HSD17B2: variants seen among roughly 807,000 people sequenced by gnomAD.
The protein encoded by HSD17B2 is hydroxysteroid 17-beta dehydrogenase 2, also known as 17-beta-hydroxysteroid dehydrogenase type 2.
In HSD17B2, 32 loss-of-function variants were observed where a neutral mutation model predicts 26.9. The ratio of observed to expected loss-of-function variants is 1.19; its 90% CI spans 0.90 to 1.60. The LOEUF (loss-of-function observed/expected upper bound fraction) is 1.60. HSD17B2 is among the 40% of genes most tolerant of loss of function. The pLI is 0.00. For synonymous variants in HSD17B2, 246 were observed against 186.7 expected, an observed-to-expected ratio of 1.32 and a Z score of -2.59; for missense variants, 613 against 468.6, an observed-to-expected ratio of 1.31 and a Z score of -2.85.
intron 1 of HSD17B2, among the ~76,000 whole-genome samples, chr16:82,037,143 G>T (rs1169273962): frequency 6.6e-6 from 1 of 152,176 alleles, no homozygotes. Context: ...GAATCAATTA[G>T]GCAACTCAAG....
chr16:82,076,911 T>C (rs547875097), intron 3 of HSD17B2, among the ~76,000 whole-genome samples: 5 of 152,226 alleles, frequency 3.3e-5, no homozygotes, highest in South Asian at 2.1e-4. Context: ...AGTAATCTCA[T>C]TTACAATAGC....
chr16:82,035,606 T>C lies in HSD17B2; in HGVS notation c.182T>C (p.Phe61Ser). The change falls in exon 1 of 5, where the codon TTC becomes TCC. Residue 61 changes from phenylalanine to serine, a missense_variant. Physicochemically the swap from Phe to Ser is radical, Grantham distance 155. Transcript: ENST00000199936. ...ILSPFWGLILFSVSCFLMYTY... is the reference protein window; with the variant it reads ...ILSPFWGLILSSVSCFLMYTY... ...TCCCCTTTTTGGGGCTTGATCCTCTTCTCGGTGTCATGCTTCCTCATGTAT... is the reference window on the plus strand; with the variant it reads ...TCCCCTTTTTGGGGCTTGATCCTCTCCTCGGTGTCATGCTTCCTCATGTAT... The C allele has an allele frequency of 6.2e-7, 1 of 1,613,964 alleles. No individual in the cohort carries two copies. Among genetic ancestry groups the C allele is most frequent in the Non-Finnish European group, 8.5e-7 (1 of 1,180,020 alleles).
intron 1 of HSD17B2, among the ~76,000 whole-genome samples, chr16:82,050,355 C>T (rs1487743421): frequency 1.3e-5 from 2 of 152,010 alleles, no homozygotes; most frequent in East Asian, 1.9e-4. Flanking sequence ...ATATACAATT[C>T]GTTCTCGGTG....
At chr16:82,093,955 C>T (rs1486974740) in intron 4 of HSD17B2, 1 of 152,128 alleles carries the variant, frequency 6.6e-6, no homozygotes, top group Non-Finnish European at 1.5e-5. Flanking sequence ...TATAAACTGT[C>T]CTGGTGCTGG....
chr16:82,090,250 A>T, intron 3 of HSD17B2: 1 of 952,858 alleles, frequency 1.0e-6, no homozygotes, highest in Non-Finnish European at 1.2e-6. Context: ...TGGTCAGGCT[A>T]GAAGATCAGG....
At chr16:82,066,583 C>T (rs188603583) in intron 1 of HSD17B2, among the ~76,000 whole-genome samples, 3 of 152,280 alleles carry the variant, frequency 2.0e-5, no homozygotes, top group Non-Finnish European at 2.9e-5. Flanking sequence ...AAGATAAGGT[C>T]CACCCTCCAT....
intron 1 of HSD17B2, 136 bp from the exon 2 acceptor site, chr16:82,068,034 T>C (rs956308316): frequency 5.4e-6 from 4 of 738,926 alleles, no homozygotes; most frequent in African/African-American, 1.8e-5. Context: ...ACTTAGAACA[T>C]AAAGAAACTT....
intron 3 of HSD17B2, among the ~76,000 whole-genome samples, chr16:82,082,646 T>C (rs998763637): frequency 6.6e-6 from 1 of 152,180 alleles, no homozygotes; most frequent in Non-Finnish European, 1.5e-5. Context: ...AAAAATGAGG[T>C]TCCTGAGGAT....
intron 4 of HSD17B2, chr16:82,096,874 T>G (rs1226112728): frequency 2.6e-5 from 4 of 152,048 alleles, no homozygotes; most frequent in Non-Finnish European, 4.4e-5. Context: ...AAACAATGAG[T>G]GCTATTCATA....
intron 3 of HSD17B2, among the ~76,000 whole-genome samples, chr16:82,084,276 A>G (rs1322491634): frequency 6.6e-6 from 1 of 152,124 alleles, no homozygotes; most frequent in East Asian, 1.9e-4. Context: ...TGTCCTGTGC[A>G]TTACGGGGTG....
intron 4 of HSD17B2, chr16:82,094,181 T>G (rs1445710036): frequency 6.6e-6 from 1 of 152,168 alleles, no homozygotes; most frequent in Admixed American, 6.5e-5. Context: ...ATGCTTAACC[T>G]CCAGGGAATG....
chr16:82,090,860 A>G, intron 3 of HSD17B2, 42 bp from the exon 4 acceptor site: 1 of 1,552,086 alleles, frequency 6.4e-7, no homozygotes, highest in Non-Finnish European at 8.7e-7. Flanking sequence ...GAACAAATGA[A>G]CATTTCTAAC....
chr16:82,069,769 A>G (rs906613346), intron 2 of HSD17B2, among the ~76,000 whole-genome samples: 1 of 152,106 alleles, frequency 6.6e-6, no homozygotes, highest in South Asian at 2.1e-4. Flanking sequence ...GGCAGACCCA[A>G]TGCAAAATGA....
chr16:82,076,311 C>T (rs566770287), intron 3 of HSD17B2, among the ~76,000 whole-genome samples: 10 of 152,276 alleles, frequency 6.6e-5, no homozygotes, highest in African/African-American at 2.2e-4. Flanking sequence ...GAAATCCTTT[C>T]CTCTAAGATC....
chr16:82,061,996 C>G (rs140127836), intron 1 of HSD17B2, among the ~76,000 whole-genome samples: 2 of 152,304 alleles, frequency 1.3e-5, no homozygotes, highest in East Asian at 1.9e-4. Context: ...CCCAAACACG[C>G]GTTATTCACA....
chr16:82,071,365 G>A, intron 3 of HSD17B2: 1 of 565,170 alleles, frequency 1.8e-6, no homozygotes, highest in Non-Finnish European at 3.2e-6. Context: ...GGGATTTAGG[G>A]TTCTTATATG....
intron 3 of HSD17B2, among the ~76,000 whole-genome samples, chr16:82,075,803 A>G (rs963933538): frequency 4.0e-5 from 6 of 151,892 alleles, no homozygotes; most frequent in African/African-American, 1.5e-4. Context: ...AAGAACTAAT[A>G]CCGATTGTAC....
chr16:82,038,262 T>C (rs1023734549), intron 1 of HSD17B2, among the ~76,000 whole-genome samples: 1 of 152,260 alleles, frequency 6.6e-6, no homozygotes, highest in African/African-American at 2.4e-5. Flanking sequence ...CATAGAGTGT[T>C]TGAATACATA....
intron 1 of HSD17B2, among the ~76,000 whole-genome samples, chr16:82,041,500 T>G (rs1158848015): frequency 6.6e-6 from 1 of 152,246 alleles, no homozygotes; most frequent in African/African-American, 2.4e-5. Flanking sequence ...GATTTGGTTC[T>G]AAGCGTGCTC....
Sources: allele counts gnomAD v4.1 joint callset (sites outside exome capture counted in the v4.1 genomes callset), GRCh38; gene constraint gnomAD v4.1.1; transcripts MANE v1.5; gene names NCBI Gene and HGNC (gene_info 2026-07-23, HGNC 2026-07-21).